Variants in GMPR2 observed in about 807,000 individuals in gnomAD.
GMPR2 encodes the protein guanosine monophosphate reductase 2.
A neutral mutation model predicts 38.5 loss-of-function variants in GMPR2; 32 were observed. That is an observed-to-expected ratio of 0.83 (90% CI 0.63 to 1.12). The LOEUF is 1.12. Among genes scored for constraint, GMPR2 ranks in the 50% most tolerant of loss-of-function variants. The pLI is 0.00. For synonymous variants in GMPR2, 154 were observed against 151.0 expected (o/e 1.02, Z -0.15); for missense variants, 396 against 432.1 (o/e 0.92, Z 0.74).
At chr14:24,238,518 G>C (rs779033740) in intron 9 of GMPR2, 71 bp from the exon 10 acceptor site, 25 of 1,613,874 alleles carry the variant, frequency 1.5e-5, no homozygotes, top group African/African-American at 4.0e-5. Flanking sequence ...CTCAATGCTA[G>C]GGTCTGTGGA....
intron 3 of GMPR2, 130 bp downstream of exon 3, chr14:24,233,728 G>A (rs1161093156): frequency 1.9e-6 from 2 of 1,042,318 alleles, no homozygotes; most frequent in Non-Finnish European, 3.0e-6. Context: ...TCTGATTTAC[G>A]GTTTTTTCCA....
In GMPR2 at chr14:24,233,589, T is replaced by C; in HGVS notation, c.198T>C (p.Val66=). Residue 66 remains valine (V), a synonymous_variant, in exon 3 of 10, where the codon GTT becomes GTC. Transcript: ENST00000399440. ...DTVGTFEMAK[V]LCKFSLFTAV... is the part of the protein sequence containing the mutation. Reference sequence around the variant, plus strand: ...TGGGCACCTTTGAGATGGCCAAGGTTCTCTGTAAGGTAGGGCTTTCCTCAT... The same window carrying C: ...TGGGCACCTTTGAGATGGCCAAGGTCCTCTGTAAGGTAGGGCTTTCCTCAT... 1 of 1,614,136 alleles carries C rather than the reference T, an allele frequency of 6.2e-7. No homozygotes were observed. The highest frequency in any genetic ancestry group is 8.5e-7 in the Non-Finnish European group (1 of 1,179,998).
chr14:24,237,134 A>G lies in GMPR2; in HGVS notation c.529A>G (p.Lys177Glu). 6.2e-7 allele frequency: 1 copy of G among 1,611,398 alleles called. No homozygotes were observed. Among genetic ancestry groups the G allele is most frequent in the Non-Finnish European group, 8.5e-7 (1 of 1,177,442 alleles). The change falls in exon 6 of 10, where the codon AAA becomes GAA. Residue 177 changes from lysine to glutamate, a missense_variant. Physicochemically the swap from Lys to Glu is moderately conservative, Grantham distance 56. Coordinates refer to ENST00000399440, the MANE Select transcript of GMPR2 (RefSeq NM_001002002.3). ...ELILSGADII[K>E]VGIGPGSVCT... is the part of the protein sequence containing the mutation. ...CATCCTTTCTGGGGCTGACATCATC[A>G]AAGTGGGAATTGGGCCAGGTAAGCT...
At chr14:24,233,787 G>A (rs904839263) in intron 3 of GMPR2, 189 bp downstream of exon 3, 12 of 660,102 alleles carry the variant, frequency 1.8e-5, no homozygotes, top group Non-Finnish European at 2.9e-5. Context: ...CTGAATTAGT[G>A]AGATTCAAAG....
chr14:24,233,127 C>G (rs2040135151), intron 1 of GMPR2, 92 bp from the exon 2 acceptor site: 2 of 1,570,698 alleles, frequency 1.3e-6, no homozygotes, highest in Admixed American at 1.7e-5. Flanking sequence ...CTTTGCCCGA[C>G]CTTCCACAAC....
In GMPR2 at chr14:24,233,271, C is replaced by T; in HGVS notation, c.18C>T (p.Asn6=). The T allele has an allele frequency of 6.2e-7, 1 of 1,614,070 alleles. No homozygotes were observed. The highest frequency in any genetic ancestry group is 8.5e-7 in the Non-Finnish European group (1 of 1,179,960). The change falls in exon 2 of 10, where the codon AAC becomes AAT. Residue 6 remains asparagine (N), a synonymous_variant. Coordinates refer to ENST00000399440, the MANE Select transcript of GMPR2 (RefSeq NM_001002002.3). The part of the protein sequence containing the change: MPHID[N]DVKLDFKDVL... ...TAAGCGCCATGCCTCATATTGACAA[C>T]GATGTGAAACTGGACTTCAAGGATG...
At chr14:24,237,631 T>C (rs1454048907) in intron 8 of GMPR2, 69 bp downstream of exon 8, 7 of 1,375,834 alleles carry the variant, frequency 5.1e-6, no homozygotes, top group Non-Finnish European at 7.3e-6. Flanking sequence ...GGGTCTAGGG[T>C]CAGGCTAAGA....
Position 24,237,334 on chromosome 14 carries a change from A to C in GMPR2, c.637A>C (p.Lys213Gln). ...GTGTGCAGATGCTGCTCATGGCCTC[A>C]AAGGCCACATCATTTCAGTAAGGCT... ...MECADAAHGL[K>Q]GHIISDGGCS... Residue 213 changes from lysine to glutamine, a missense_variant, in exon 7 of 10, where the codon AAA (lysine) becomes CAA (glutamine). Coordinates refer to ENST00000399440, the MANE Select transcript of GMPR2 (RefSeq NM_001002002.3). 6.2e-7 allele frequency: 1 copy of C among 1,600,806 alleles called. No homozygotes were observed. Among genetic ancestry groups the C allele is most frequent in the Non-Finnish European group, 8.6e-7 (1 of 1,167,848 alleles).
At position 24,233,271 on chromosome 14, in the gene GMPR2, C is replaced by G; in HGVS notation, c.18C>G (p.Asn6Lys). 1 of 1,614,070 alleles carries G rather than the reference C, an allele frequency of 6.2e-7. No homozygotes were observed. Among genetic ancestry groups the G allele is most frequent in the Non-Finnish European group, 8.5e-7 (1 of 1,179,960 alleles). Residue 6 changes from asparagine to lysine, a missense_variant, in exon 2 of 10, where the codon AAC becomes AAG. Coordinates refer to ENST00000399440, the MANE Select transcript of GMPR2 (RefSeq NM_001002002.3). MPHID[N>K]DVKLDFKDVL... ...TAAGCGCCATGCCTCATATTGACAACGATGTGAAACTGGACTTCAAGGATG... is the reference window on the plus strand; with the variant it reads ...TAAGCGCCATGCCTCATATTGACAAGGATGTGAAACTGGACTTCAAGGATG...
intron 4 of GMPR2, 70 bp downstream of exon 4, chr14:24,235,890 G>T: frequency 6.3e-7 from 1 of 1,584,062 alleles, no homozygotes; most frequent in South Asian, 1.1e-5. Flanking sequence ...GCTTTCTGGG[G>T]ACCAGCACTC....
chr14:24,235,724 G>A lies in GMPR2; in HGVS notation c.208-13G>A, dbSNP rs749868256. The A allele has an allele frequency of 1.9e-6, 3 of 1,587,460 alleles. No homozygotes were observed. The highest frequency in any genetic ancestry group is 2.6e-6 in the Non-Finnish European group (3 of 1,155,788). On this transcript the variant is annotated splice_polypyrimidine_tract_variant and intron_variant, in intron 3 of 9. Coordinates refer to ENST00000399440, the MANE Select transcript of GMPR2 (RefSeq NM_001002002.3). Reference sequence around the variant, plus strand: ...GTTTTCTCCCTTTTGATGCTTCTTTGTCTTCTCCCCAGTTCTCTCTCTTCA... The same window carrying A: ...GTTTTCTCCCTTTTGATGCTTCTTTATCTTCTCCCCAGTTCTCTCTCTTCA...
At position 24,238,805 on chromosome 14, in the gene GMPR2, C is replaced by T; in HGVS notation, c.*27C>T. ...CCTGAGCAGTTCTACCCTCCCAAGG[C>T]ACCAGTACTCTACCATGGGGCATCC... On this transcript the variant is annotated 3_prime_UTR_variant, in exon 10 of 10. Transcript: ENST00000399440. 6.3e-7 allele frequency: 1 copy of T among 1,595,746 alleles called. No individual in the cohort carries two copies. The highest frequency in any genetic ancestry group is 8.6e-7 in the Non-Finnish European group (1 of 1,169,274).
At position 24,239,217 on chromosome 14, in the gene GMPR2, TAAAG is replaced by T. The variant is rs770692950; in HGVS notation, c.*441_*444del. 5 of 363,450 alleles carry T rather than the reference TAAAG, an allele frequency of 1.4e-5. No homozygotes were observed. Among genetic ancestry groups the T allele is most frequent in the Non-Finnish European group, 2.7e-5 (5 of 187,406 alleles). 22.5% of individuals were successfully genotyped at this position (363,450 alleles called of 1,614,324 possible). On this transcript the variant is annotated 3_prime_UTR_variant, in exon 10 of 10. Transcript: ENST00000399440. ...TGTTTGTATATTTGAAATACCTCAA[TAAAG>T]AGAGAGCTCATTGACTGTAAAGAGA...
chr14:24,237,670 C>T, intron 8 of GMPR2, 108 bp downstream of exon 8: 1 of 1,006,052 alleles, frequency 9.9e-7, no homozygotes, highest in Non-Finnish European at 1.6e-6. Context: ...CAGATTCTTT[C>T]ATAATATGAA....
chr14:24,234,874 T>C (rs1566679125), intron 3 of GMPR2, among the ~76,000 whole-genome samples: 1 of 151,954 alleles, frequency 6.6e-6, no homozygotes, highest in South Asian at 2.1e-4. Flanking sequence ...TAGCTAGATA[T>C]TGTTGATCTC....
In GMPR2 at chr14:24,238,270, T is replaced by G; in HGVS notation, c.722T>G (p.Leu241Arg). Residue 241 changes from leucine to arginine, a missense_variant, in exon 9 of 10, where the codon CTG becomes CGG. Coordinates refer to ENST00000399440, the MANE Select transcript of GMPR2 (RefSeq NM_001002002.3). ...AFGAGADFVM[L>R]GGMLAGHSES... is the part of the protein sequence containing the mutation. Reference sequence around the variant, plus strand: ...GGGGCAGGAGCTGACTTCGTGATGCTGGGTGGCATGCTGGCTGGGCACAGT... The same window carrying G: ...GGGGCAGGAGCTGACTTCGTGATGCGGGGTGGCATGCTGGCTGGGCACAGT... The G allele has an allele frequency of 6.2e-7, 1 of 1,613,064 alleles. No individual in the cohort carries two copies. The highest frequency in any genetic ancestry group is 8.5e-7 in the Non-Finnish European group (1 of 1,179,422).
At chr14:24,235,848 C>T (rs2138962133) in intron 4 of GMPR2, 28 bp downstream of exon 4, 2 of 1,597,052 alleles carry the variant, frequency 1.3e-6, no homozygotes, top group Non-Finnish European at 1.7e-6. Flanking sequence ...CTGCTCCCTT[C>T]CTTATCCCAG....
chr14:24,238,294 G>A lies in GMPR2; in HGVS notation c.746G>A (p.Ser249Asn). 6.2e-7 allele frequency: 1 copy of A among 1,614,092 alleles called. No homozygotes were observed. The highest frequency in any genetic ancestry group is 8.5e-7 in the Non-Finnish European group (1 of 1,179,964). ...CTGGGTGGCATGCTGGCTGGGCACA[G>A]TGAGTCAGGTGGTGAGCTCATCGAG... Reference protein sequence around the residue: ...VMLGGMLAGHSESGGELIERD... With the variant: ...VMLGGMLAGHNESGGELIERD... The change falls in exon 9 of 10, where the codon AGT (serine) becomes AAT (asparagine). Residue 249 changes from serine (S) to asparagine (N), a missense_variant. By Grantham distance (46) the Ser-to-Asn change is conservative (BLOSUM62 1). Transcript: ENST00000399440.
At chr14:24,235,461 G>A in intron 3 of GMPR2, 1 of 478,090 alleles carries the variant, frequency 2.1e-6, no homozygotes, top group East Asian at 3.6e-5. Context: ...CACCTTTTAA[G>A]TCAGAAGCAG....
Sources: allele counts gnomAD v4.1 joint callset (sites outside exome capture counted in the v4.1 genomes callset), GRCh38; gene constraint gnomAD v4.1.1; transcripts MANE v1.5; gene names NCBI Gene and HGNC (gene_info 2026-07-23, HGNC 2026-07-21).